Variants in CCDC178 observed in about 807,000 individuals in gnomAD.
CCDC178 encodes the protein coiled-coil domain containing 178.
CCDC178 carries 126 observed loss-of-function variants against 117.4 expected under a neutral mutation model. The observed-to-expected ratio is 1.07, with a 90% confidence interval of 0.93 to 1.24. The LOEUF (loss-of-function observed/expected upper bound fraction) is 1.24. Ranked by LOEUF, CCDC178 falls within the 50% of genes most tolerant of loss-of-function variation. The pLI is 0.00. For missense variants in CCDC178, 1,030 were observed against 986.9 expected, an observed-to-expected ratio of 1.04 and a Z score of -0.59; for synonymous variants, 283 against 313.4, an observed-to-expected ratio of 0.90 and a Z score of 1.02.
intron 2 of CCDC178, among the ~76,000 whole-genome samples, chr18:33,432,800 T>G (rs118118905): frequency 0.016 from 2,479 of 152,308 alleles, 44 homozygotes; most frequent in South Asian, 0.029. Flanking sequence ...TTTAAAGGTA[T>G]CAAGAAACAG....
intron 20 of CCDC178, among the ~76,000 whole-genome samples, chr18:33,186,896 T>A (rs271449): frequency 0.16 from 24,503 of 151,904 alleles, 2,759 homozygotes; most frequent in African/African-American, 0.32. Context: ...AGAGAGCAGT[T>A]GAAAGAGGTT....
chr18:33,276,610 G>A (rs1178935958), intron 12 of CCDC178, among the ~76,000 whole-genome samples: 1 of 152,082 alleles, frequency 6.6e-6, no homozygotes, highest in Non-Finnish European at 1.5e-5. Flanking sequence ...GCTAAGGGTA[G>A]AATCAACTTG....
chr18:33,248,289 A>G (rs1288585864), intron 14 of CCDC178, among the ~76,000 whole-genome samples: 1 of 151,654 alleles, frequency 6.6e-6, no homozygotes, highest in Admixed American at 6.6e-5. Flanking sequence ...TTTATTTTTT[A>G]TACTTTAACT....
chr18:33,192,442 T>C (rs748762320), intron 20 of CCDC178, among the ~76,000 whole-genome samples: 2 of 152,112 alleles, frequency 1.3e-5, no homozygotes, highest in Non-Finnish European at 2.9e-5. Context: ...ATGGTCAATA[T>C]AAAAAATACA....
chr18:33,028,069 C>T (rs28820080), intron 21 of CCDC178, among the ~76,000 whole-genome samples: 2,133 of 151,304 alleles, frequency 0.014, 56 homozygotes, highest in African/African-American at 0.048. Context: ...TTCTAAATTT[C>T]GATTTAAAGA....
chr18:33,362,996 C>A (rs1462835802), intron 6 of CCDC178, among the ~76,000 whole-genome samples: 1 of 151,808 alleles, frequency 6.6e-6, no homozygotes, highest in Non-Finnish European at 1.5e-5. Flanking sequence ...AATACTGGTT[C>A]ATTAATTACA....
intron 11 of CCDC178, among the ~76,000 whole-genome samples, chr18:33,304,270 TTC>T (rs1181393662): frequency 1.5e-4 from 23 of 152,216 alleles, no homozygotes; most frequent in Admixed American, 9.2e-4. Flanking sequence ...CTACAAATAC[TTC>T]TGCCATCACA....
chr18:33,046,966 C>T (rs571942846), intron 21 of CCDC178, among the ~76,000 whole-genome samples: 2 of 152,314 alleles, frequency 1.3e-5, no homozygotes, highest in Admixed American at 1.3e-4. Flanking sequence ...CTCACTTTAA[C>T]TCAGCTTTGA....
At chr18:32,962,594 G>T (rs553374692) in intron 22 of CCDC178, among the ~76,000 whole-genome samples, 48 of 151,960 alleles carry the variant, frequency 3.2e-4, no homozygotes, top group African/African-American at 1.1e-3. Context: ...ATGTCTTCTA[G>T]TCTCCATTTT....
intron 17 of CCDC178, among the ~76,000 whole-genome samples, chr18:33,224,067 A>G (rs530450285): frequency 6.8e-4 from 103 of 152,286 alleles, no homozygotes; most frequent in Admixed American, 3.8e-3. Flanking sequence ...TTAAATCACA[A>G]TTTTAAGAAA....
rs1354494348 is a variant in CCDC178, at chr18:33,223,170, C to T, written c.1868G>A (p.Gly623Glu). The T allele has an allele frequency of 6.2e-7, 1 of 1,607,506 alleles. No individual in the cohort carries two copies. The highest frequency in any genetic ancestry group is 8.5e-7 in the Non-Finnish European group (1 of 1,176,332). Reference sequence around the variant, plus strand: ...TTTTCGTAATTTTTTCTTTACTTTTCCCACCTTTCTTCTAATAAGATCTTT... The same window carrying T: ...TTTTCGTAATTTTTTCTTTACTTTTTCCACCTTTCTTCTAATAAGATCTTT... ...DQKDLIRRKV[G>E]KVKKKLRKKG... Residue 623 changes from glycine to glutamate, a missense_variant, in exon 18 of 23, where the codon GGA becomes GAA. Gly to Glu is a moderately conservative substitution (Grantham distance 98). Transcript: ENST00000383096.
intron 21 of CCDC178, among the ~76,000 whole-genome samples, chr18:33,076,037 G>A (rs1314180959): frequency 2.0e-5 from 3 of 152,320 alleles, no homozygotes; most frequent in East Asian, 1.9e-4. Flanking sequence ...TAAGTCTGAA[G>A]TTATGTTCCC....
chr18:33,031,353 C>T (rs2056338703), intron 21 of CCDC178, among the ~76,000 whole-genome samples: 1 of 151,118 alleles, frequency 6.6e-6, no homozygotes, highest in Admixed American at 6.6e-5. Flanking sequence ...CTCAAATAAT[C>T]CTCTCACCTC....
intron 21 of CCDC178, among the ~76,000 whole-genome samples, chr18:33,031,413 T>C (rs1308086416): frequency 2.0e-5 from 3 of 151,980 alleles, no homozygotes; most frequent in Non-Finnish European, 4.4e-5. Flanking sequence ...ACGCAGCTGC[T>C]AGATTTATTT....
At chr18:33,065,240 A>C (rs906081335) in intron 21 of CCDC178, among the ~76,000 whole-genome samples, 1 of 152,186 alleles carries the variant, frequency 6.6e-6, no homozygotes, top group African/African-American at 2.4e-5. Flanking sequence ...AAATAGCTAG[A>C]TGCTTTGTGT....
At chr18:33,204,796 T>C (rs774748041) in intron 20 of CCDC178, among the ~76,000 whole-genome samples, 19 of 152,130 alleles carry the variant, frequency 1.2e-4, no homozygotes, top group Non-Finnish European at 2.5e-4. Flanking sequence ...TAGAATATTA[T>C]AAAAATAATT....
intron 12 of CCDC178, among the ~76,000 whole-genome samples, chr18:33,287,467 C>T (rs1035117699): frequency 6.6e-6 from 1 of 152,004 alleles, no homozygotes; most frequent in East Asian, 1.9e-4. Flanking sequence ...TAAATATATA[C>T]CCAATTTCTC....
At chr18:33,000,130 A>G (rs1275070214) in intron 21 of CCDC178, among the ~76,000 whole-genome samples, 1 of 152,114 alleles carries the variant, frequency 6.6e-6, no homozygotes, top group East Asian at 1.9e-4. Flanking sequence ...TATCAAAAAT[A>G]TTTAACAAGG....
chr18:33,393,806 T>C (rs1286854016), intron 4 of CCDC178, among the ~76,000 whole-genome samples: 1 of 152,120 alleles, frequency 6.6e-6, no homozygotes, highest in South Asian at 2.1e-4. Flanking sequence ...TCTGGGATAA[T>C]AGTTTTGTGG....
Sources: gnomAD v4.1 joint callset for allele counts (sites outside exome capture counted in the v4.1 genomes callset) on GRCh38, gnomAD v4.1.1 for gene constraint, MANE v1.5 for transcripts, NCBI Gene and HGNC (gene_info 2026-07-23, HGNC 2026-07-21) for gene names.